TLE1: variants seen among roughly 807,000 people sequenced by gnomAD.
TLE1 encodes transducin-like enhancer protein 1.
A neutral mutation model predicts 89.8 loss-of-function variants in TLE1; 21 were observed. That is an observed-to-expected ratio of 0.23 (90% CI 0.17 to 0.34). The LOEUF is 0.34. Ranked by LOEUF, TLE1 falls within the 10% of genes least tolerant of loss-of-function variation. The probability of loss-of-function intolerance (pLI) is 1.00; values close to 1 mark genes in which losing one functional copy is unlikely to be tolerated. For missense variants in TLE1, 795 were observed against 1,031.2 expected, an observed-to-expected ratio of 0.77 and a Z score of 3.14; for synonymous variants, 447 against 407.6, an observed-to-expected ratio of 1.10 and a Z score of -1.16.
At chr9:81,683,560 C>T (rs1041996885) in intron 4 of TLE1, among the ~76,000 whole-genome samples, 1 of 152,148 alleles carries the variant, frequency 6.6e-6, no homozygotes, top group South Asian at 2.1e-4. Flanking sequence ...CTCCTCAGAA[C>T]TTATTATTAA....
chr9:81,623,956 CA>C (rs1825606780), intron 8 of TLE1, among the ~76,000 whole-genome samples: 1 of 152,066 alleles, frequency 6.6e-6, no homozygotes, highest in African/African-American at 2.4e-5. Context: ...CTAGGATGTC[CA>C]GAGACAGAGG....
At chr9:81,679,288 T>A (rs919010810) in intron 4 of TLE1, among the ~76,000 whole-genome samples, 7 of 143,932 alleles carry the variant, frequency 4.9e-5, no homozygotes, top group African/African-American at 7.7e-5. Context: ...ACAATAATTT[T>A]AAAAATTTTT....
chr9:81,631,879 G>C (rs1209492163), intron 8 of TLE1, among the ~76,000 whole-genome samples: 1 of 152,074 alleles, frequency 6.6e-6, no homozygotes, highest in Non-Finnish European at 1.5e-5. Flanking sequence ...GAGGCAGGCG[G>C]ATCACCTGAG....
chr9:81,674,839 C>T (rs1164621277), intron 4 of TLE1, among the ~76,000 whole-genome samples: 1 of 152,066 alleles, frequency 6.6e-6, no homozygotes, highest in Non-Finnish European at 1.5e-5. Context: ...CCTATAAAAA[C>T]AGGTGAAGAC....
chr9:81,648,770 TA>T (rs1236200573), intron 6 of TLE1, among the ~76,000 whole-genome samples: 5 of 152,192 alleles, frequency 3.3e-5, no homozygotes, highest in Non-Finnish European at 5.9e-5. Context: ...TTACAACATT[TA>T]ATAACCAATT....
intron 8 of TLE1, among the ~76,000 whole-genome samples, chr9:81,624,371 A>AG (rs1015869198): frequency 6.6e-6 from 1 of 152,212 alleles, no homozygotes; most frequent in African/African-American, 2.4e-5. Context: ...AGAGTGACAA[A>AG]GCAGCCCAGG....
chr9:81,599,060 C>G (rs1475740533), intron 14 of TLE1, among the ~76,000 whole-genome samples: 3 of 152,174 alleles, frequency 2.0e-5, no homozygotes, highest in Non-Finnish European at 4.4e-5. Flanking sequence ...TGTGCCCTGA[C>G]AAAACTTAGC....
Position 81,685,845 on chromosome 9 carries a change from C to T in TLE1, c.177G>A (p.Arg59=). 1 of 1,614,004 alleles carries T rather than the reference C, an allele frequency of 6.2e-7. No homozygotes were observed. Among genetic ancestry groups the T allele is most frequent in the Non-Finnish European group, 8.5e-7 (1 of 1,179,998 alleles). ...CTTTGATACCTACCATCACATAGTG[C>T]CTCTGCATTTCTGTCTTTTCACTTG... The part of the protein sequence containing the change: ...KLASEKTEMQ[R]HYVMYYEMSY... Residue 59 remains arginine, a synonymous_variant, in exon 3 of 20, where the codon AGG becomes AGA. Transcript: ENST00000376499.
At chr9:81,584,385 C>G in intron 19 of TLE1, 63 bp downstream of exon 19, 1 of 1,610,244 alleles carries the variant, frequency 6.2e-7, no homozygotes, top group African/African-American at 1.3e-5. Flanking sequence ...GGCACCTTCA[C>G]TCCTGGCTTC....
chr9:81,685,791 A>G (rs746800915), intron 3 of TLE1, 42 bp downstream of exon 3: 27 of 1,612,860 alleles, frequency 1.7e-5, no homozygotes, highest in Middle Eastern at 1.6e-4. Context: ...ACGTTTGCTA[A>G]TATCATATGA....
chr9:81,677,564 CAAAAAA>C (rs60091510), intron 4 of TLE1, among the ~76,000 whole-genome samples: 4 of 85,586 alleles, frequency 4.7e-5, no homozygotes, highest in East Asian at 3.2e-4. Context: ...GACTCCATCT[CAAAAAA>C]AAAAAAAAAA....
intron 4 of TLE1, among the ~76,000 whole-genome samples, chr9:81,679,546 C>G (rs956876936): frequency 1.3e-5 from 2 of 152,054 alleles, no homozygotes; most frequent in African/African-American, 4.8e-5. Context: ...CCCACACCTG[C>G]GCATCCTAGT....
chr9:81,669,684 A>C (rs915425837), intron 4 of TLE1, among the ~76,000 whole-genome samples: 1 of 152,148 alleles, frequency 6.6e-6, no homozygotes, highest in Non-Finnish European at 1.5e-5. Context: ...GCTGCTAAAT[A>C]AATCTTTTTT....
intron 4 of TLE1, among the ~76,000 whole-genome samples, chr9:81,683,351 G>C (rs1016981100): frequency 6.6e-6 from 1 of 151,700 alleles, no homozygotes; most frequent in Non-Finnish European, 1.5e-5. Flanking sequence ...CAGGAGTCTC[G>C]CTAATGCCCA....
At chr9:81,649,748 G>A (rs536181885) in intron 6 of TLE1, among the ~76,000 whole-genome samples, 114 of 152,158 alleles carry the variant, frequency 7.5e-4, no homozygotes, top group Admixed American at 1.1e-3. Context: ...ACAGTTTCCC[G>A]GTACCTCCTC....
rs1588293945 is a variant in TLE1 at position 81,688,307 on chromosome 9, T to A, written c.-67A>T. ...TTCTCCGGTCAATTTCCAACTTTAA[T>A]CCCGCCGAGGAAAATTAAGCCGGAA... On this transcript the variant is annotated 5_prime_UTR_variant, in exon 1 of 20. Coordinates refer to ENST00000376499, the MANE Select transcript of TLE1 (RefSeq NM_005077.5). 6.9e-7 allele frequency: 1 copy of A among 1,454,270 alleles called. No individual in the cohort carries two copies. The highest frequency in any genetic ancestry group is 9.1e-7 in the Non-Finnish European group (1 of 1,100,422). The allele number at this position is 1,454,270 out of a possible 1,614,324, so 90.1% of individuals were successfully genotyped here. A position where few individuals can be genotyped will look rare whatever the true frequency, so the allele number is the denominator to read the frequency against.
chr9:81,623,619 A>G (rs1200755646), intron 8 of TLE1, among the ~76,000 whole-genome samples: 6 of 61,948 alleles, frequency 9.7e-5, no homozygotes, highest in African/African-American at 1.9e-4. Flanking sequence ...TCTGTACTTA[A>G]AAAAAAAAAA....
intron 4 of TLE1, among the ~76,000 whole-genome samples, chr9:81,666,503 G>A (rs887333728): frequency 2.0e-5 from 3 of 151,970 alleles, no homozygotes; most frequent in South Asian, 2.1e-4. Context: ...GTAGCCAGGC[G>A]CGGTGGCTCA....
At chr9:81,635,799 T>TA (rs1307173506) in intron 6 of TLE1, among the ~76,000 whole-genome samples, 4 of 152,186 alleles carry the variant, frequency 2.6e-5, no homozygotes, top group Non-Finnish European at 5.9e-5. Context: ...AACACCATCT[T>TA]AAGGCAGAAA....
Sources: gnomAD v4.1 joint callset for allele counts (sites outside exome capture counted in the v4.1 genomes callset) on GRCh38, gnomAD v4.1.1 for gene constraint, MANE v1.5 for transcripts, NCBI Gene and HGNC (gene_info 2026-07-23, HGNC 2026-07-21) for gene names.